Variants in KIF4A observed in about 807,000 individuals in gnomAD.
The protein encoded by KIF4A is chromosome-associated kinesin KIF4A.
Under a neutral mutation model 105.9 loss-of-function variants are expected in KIF4A, and 7 were observed. The ratio of observed to expected loss-of-function variants is 0.07; its 90% CI spans 0.04 to 0.12. The LOEUF is 0.12. KIF4A is among the 10% of genes least tolerant of loss of function. KIF4A has a pLI of 1.00. For synonymous variants in KIF4A, 281 were observed against 331.3 expected (o/e 0.85, Z 1.65); for missense variants, 558 against 929.2 (o/e 0.60, Z 5.19).
chrX:70,342,296 T>C (rs1484757615), intron 11 of KIF4A, among the ~76,000 whole-genome samples: 1 of 112,478 alleles, frequency 8.9e-6, no homozygotes, highest in African/African-American at 3.2e-5. Flanking sequence ...AAGATTTTAG[T>C]TATTTTCCAT....
At chrX:70,344,712 A>G (rs1192552023) in intron 13 of KIF4A, among the ~76,000 whole-genome samples, 1 of 112,189 alleles carries the variant, frequency 8.9e-6, no homozygotes, top group African/African-American at 3.2e-5. Context: ...GTGTATGCAG[A>G]TGCCTGGTGG....
chrX:70,387,359 T>G (rs2086221806), intron 20 of KIF4A, 62 bp downstream of exon 20: 2 of 853,293 alleles, frequency 2.3e-6, no homozygotes, highest in Non-Finnish European at 3.3e-6. Context: ...AAAGGAGAAA[T>G]AGCTTTTTTT....
intron 15 of KIF4A, among the ~76,000 whole-genome samples, 160 bp downstream of exon 15, chrX:70,353,967 G>T (rs2086041410): frequency 8.9e-6 from 1 of 112,413 alleles, no homozygotes; most frequent in African/African-American, 3.2e-5. Flanking sequence ...ATACATTCAG[G>T]ACAGGGAGCA....
intron 20 of KIF4A, among the ~76,000 whole-genome samples, chrX:70,395,076 T>C (rs1201782742): frequency 9.0e-6 from 1 of 111,617 alleles, no homozygotes; most frequent in Non-Finnish European, 1.9e-5. Context: ...TGAAACCCCA[T>C]CTGTACTAAA....
At chrX:70,360,909 A>G (rs912224138) in intron 15 of KIF4A, among the ~76,000 whole-genome samples, 1 of 112,832 alleles carries the variant, frequency 8.9e-6, no homozygotes, top group Non-Finnish European at 1.9e-5. Flanking sequence ...ATGGAGGCCG[A>G]GTCCAGAAAG....
chrX:70,388,360 G>T (rs948316079), intron 20 of KIF4A, among the ~76,000 whole-genome samples: 1 of 111,382 alleles, frequency 9.0e-6, no homozygotes, highest in African/African-American at 3.3e-5. Flanking sequence ...CTGAACATTT[G>T]TGCACAAGCC....
chrX:70,373,274 G>T, intron 15 of KIF4A, among the ~76,000 whole-genome samples: 1 of 91,113 alleles, frequency 1.1e-5, no homozygotes, highest in Admixed American at 1.4e-4. Flanking sequence ...TGTCTCAAAA[G>T]AAAGAAAGAG....
intron 15 of KIF4A, among the ~76,000 whole-genome samples, chrX:70,371,979 G>A (rs2086138667): frequency 9.2e-6 from 1 of 108,782 alleles, no homozygotes; most frequent in Admixed American, 9.6e-5. Flanking sequence ...TCACGGCCGG[G>A]TAGAGGCGCT....
intron 13 of KIF4A, among the ~76,000 whole-genome samples, chrX:70,347,974 C>CA (rs61178799): frequency 0.014 from 333 of 23,161 alleles, 63 homozygotes; most frequent in African/African-American, 0.072. Context: ...GACTCCGTCT[C>CA]AAAAAAAAAA....
At chrX:70,338,579 G>T (rs1383950627) in intron 10 of KIF4A, among the ~76,000 whole-genome samples, 2 of 111,766 alleles carry the variant, frequency 1.8e-5, no homozygotes, top group Non-Finnish European at 1.9e-5. Context: ...CCACTTTTTG[G>T]CTTTCATAAA....
chrX:70,330,510 G>A (rs1461877369), intron 9 of KIF4A, among the ~76,000 whole-genome samples, 178 bp downstream of exon 9: 2 of 111,655 alleles, frequency 1.8e-5, no homozygotes, highest in African/African-American at 6.5e-5. Context: ...TTAAGATTGG[G>A]GGTAGCATTG....
intron 20 of KIF4A, among the ~76,000 whole-genome samples, chrX:70,388,089 C>G (rs776574877): frequency 9.0e-6 from 1 of 111,357 alleles, no homozygotes; most frequent in Non-Finnish European, 1.9e-5. Flanking sequence ...CACAGTGGTT[C>G]CAGGCAACCA....
chrX:70,314,731 A>T (rs2085863143), intron 7 of KIF4A, among the ~76,000 whole-genome samples: 1 of 111,250 alleles, frequency 9.0e-6, no homozygotes, highest in Non-Finnish European at 1.9e-5. Context: ...AGCGAGGGGC[A>T]CTCATATTTA....
chrX:70,357,896 T>TTTG (rs748395221), intron 15 of KIF4A, among the ~76,000 whole-genome samples: 39 of 111,058 alleles, frequency 3.5e-4, no homozygotes, highest in Middle Eastern at 4.6e-3. Context: ...CTGTTGTTTT[T>TTTG]TTGTTGTTGT....
chrX:70,349,807 G>A (rs1296771359), intron 13 of KIF4A, among the ~76,000 whole-genome samples: 5 of 89,525 alleles, frequency 5.6e-5, no homozygotes, highest in African/African-American at 1.8e-4. Context: ...CATCCCAGAC[G>A]GGGTGGTGGC....
intron 15 of KIF4A, among the ~76,000 whole-genome samples, chrX:70,368,563 G>T (rs2147715685): frequency 8.9e-6 from 1 of 111,967 alleles, no homozygotes; most frequent in African/African-American, 3.2e-5. Flanking sequence ...GCAGATCAGG[G>T]GATATTGGTG....
chrX:70,358,283 G>GT (rs1456445134), intron 15 of KIF4A, among the ~76,000 whole-genome samples: 1 of 78,660 alleles, frequency 1.3e-5, no homozygotes, highest in Non-Finnish European at 3.0e-5. Context: ...CTTTCTGGGC[G>GT]GTTTTTTTCC....
At chrX:70,301,142 G>T (rs983189029) in intron 5 of KIF4A, among the ~76,000 whole-genome samples, 1 of 111,438 alleles carries the variant, frequency 9.0e-6, no homozygotes, top group Non-Finnish European at 1.9e-5. Context: ...TAATAGAAAT[G>T]GAGAAGTATT....
chrX:70,402,566 G>C lies in KIF4A; in HGVS notation c.2490G>C (p.Arg830Ser). Reference protein sequence around the residue: ...IESLETEMEFRSAQIADLQQK... With the variant: ...IESLETEMEFSSAQIADLQQK... ...AGGCTTACTGTTTCTTTCCCTGAAGGAGTGCTCAGATTGCTGACCTACAGC... is the reference window on the plus strand; with the variant it reads ...AGGCTTACTGTTTCTTTCCCTGAAGCAGTGCTCAGATTGCTGACCTACAGC... Residue 830 changes from arginine to serine, a missense_variant and splice_region_variant, in exon 23 of 31, where the codon AGG (arginine) becomes AGC (serine). By Grantham distance (110) the Arg-to-Ser change is moderately radical. This residue lies in a region of KIF4A where 469 missense variants were observed against 680.4 expected (regional missense o/e 0.69). Transcript: ENST00000374403. 3 of 1,211,423 alleles carry C rather than the reference G, an allele frequency of 2.5e-6. No individual in the cohort carries two copies. The highest frequency in any genetic ancestry group is 3.4e-6 in the Non-Finnish European group (3 of 895,247).
Sources: allele counts gnomAD v4.1 joint callset (sites outside exome capture counted in the v4.1 genomes callset), GRCh38; gene constraint gnomAD v4.1.1; regional missense constraint gnomAD v4.1.1; transcripts MANE v1.5; gene names NCBI Gene and HGNC (gene_info 2026-07-23, HGNC 2026-07-21).